Variants in EPHA4 observed in about 807,000 individuals in gnomAD.
The protein encoded by EPHA4 is ephrin type-A receptor 4.
Under a neutral mutation model 108.3 loss-of-function variants are expected in EPHA4, and 19 were observed. That is an observed-to-expected ratio of 0.18 (90% CI 0.12 to 0.26). The LOEUF (loss-of-function observed/expected upper bound fraction) is 0.26, where lower values mean the gene tolerates loss of function less well. Among genes scored for constraint, EPHA4 ranks in the 10% least tolerant of loss-of-function variants. EPHA4 has a pLI of 1.00. For missense variants in EPHA4, 917 were observed against 1,254.0 expected (o/e 0.73, Z 4.06); for synonymous variants, 449 against 455.5 (o/e 0.99, Z 0.18).
In EPHA4 at chr2:221,436,646, T is replaced by C. The variant is rs1314627603; in HGVS notation, c.2137-38A>G. 3.2e-6 allele frequency: 5 copies of C among 1,576,936 alleles called. No individual in the cohort carries two copies. In the African/African-American group the frequency reaches 5.4e-5, roughly 17 times the overall value. On this transcript the variant is annotated intron_variant, in intron 12 of 17. Transcript: ENST00000281821. Reference sequence around the variant, plus strand: ...GGAGTGAGGAACAATCTCATTAGCATTAGGCCAAGTTAATTCTCACCAAGC... The same window carrying C: ...GGAGTGAGGAACAATCTCATTAGCACTAGGCCAAGTTAATTCTCACCAAGC...
chr2:221,463,240 T>C (rs1691206125), intron 5 of EPHA4, among the ~76,000 whole-genome samples: 2 of 152,070 alleles, frequency 1.3e-5, no homozygotes, highest in Admixed American at 6.6e-5. Flanking sequence ...TAAAAAACGA[T>C]GAAGCAAAAA....
intron 3 of EPHA4, among the ~76,000 whole-genome samples, chr2:221,520,029 T>C (rs1047311899): frequency 2.0e-5 from 3 of 152,120 alleles, no homozygotes; most frequent in Non-Finnish European, 4.4e-5. Flanking sequence ...ATTATCAAAA[T>C]TTAAAATTAA....
intron 13 of EPHA4, among the ~76,000 whole-genome samples, 162 bp downstream of exon 13, chr2:221,436,237 T>A (rs1326657734): frequency 6.6e-6 from 1 of 152,228 alleles, no homozygotes; most frequent in East Asian, 1.9e-4. Flanking sequence ...ATCCCTCTTT[T>A]ATTGGAAACA....
At chr2:221,426,326 TA>T (rs1574552303) in intron 16 of EPHA4, 137 bp downstream of exon 16, 5 of 1,146,576 alleles carry the variant, frequency 4.4e-6, no homozygotes, top group Non-Finnish European at 6.1e-6. Context: ...AGAGGCTGTG[TA>T]AAATTATACT....
intron 5 of EPHA4, among the ~76,000 whole-genome samples, chr2:221,476,868 C>T (rs1291195447): frequency 6.6e-6 from 1 of 152,014 alleles, no homozygotes; most frequent in Admixed American, 6.5e-5. Flanking sequence ...GCCTCTTACA[C>T]TTAGTTATTT....
At chr2:221,550,673 T>C (rs922034472) in intron 3 of EPHA4, among the ~76,000 whole-genome samples, 5 of 152,184 alleles carry the variant, frequency 3.3e-5, no homozygotes, top group Admixed American at 6.5e-5. Context: ...CATAGTCACA[T>C]AGTGAGTGGC....
rs1348295085 is a variant in EPHA4, at chr2:221,446,190, A to AT, written c.1716-10dup. On this transcript the variant is annotated splice_polypyrimidine_tract_variant and intron_variant, in intron 8 of 17. Coordinates refer to ENST00000281821, the MANE Select transcript of EPHA4 (RefSeq NM_004438.5). Reference sequence around the variant, plus strand: ...TACTGTATTTACTCCGTCTATTAAAATTTTTTTAAAAAAGAGAATTATTTT... The same window carrying AT: ...TACTGTATTTACTCCGTCTATTAAAATTTTTTTTAAAAAAGAGAATTATTTT... The AT allele has an allele frequency of 2.0e-6, 3 of 1,489,600 alleles. No homozygotes were observed. Among genetic ancestry groups the AT allele is most frequent in the East Asian group, 2.6e-5 (1 of 39,098 alleles). 92.3% of individuals were successfully genotyped at this position (1,489,600 alleles called of 1,614,324 possible).
chr2:221,441,968 C>A (rs1015084193), intron 11 of EPHA4, among the ~76,000 whole-genome samples: 2 of 152,234 alleles, frequency 1.3e-5, no homozygotes, highest in African/African-American at 2.4e-5. Flanking sequence ...ACTGCTCCCC[C>A]ACACTGGGGT....
chr2:221,541,894 T>C (rs1465034802), intron 3 of EPHA4, among the ~76,000 whole-genome samples: 1 of 152,236 alleles, frequency 6.6e-6, no homozygotes, highest in Non-Finnish European at 1.5e-5. Flanking sequence ...GCAGCATTTC[T>C]TTCTCTGCAT....
chr2:221,447,047 AC>A (rs1690614971), intron 8 of EPHA4, among the ~76,000 whole-genome samples: 1 of 152,190 alleles, frequency 6.6e-6, no homozygotes. Flanking sequence ...TGGAAAATCA[AC>A]TCAAGCCTTG....
intron 3 of EPHA4, among the ~76,000 whole-genome samples, chr2:221,547,673 T>A (rs1479531919): frequency 6.6e-6 from 1 of 152,196 alleles, no homozygotes; most frequent in Non-Finnish European, 1.5e-5. Context: ...CAGGCATTTT[T>A]AAATACTCTT....
At chr2:221,556,670 C>T (rs1035997677) in intron 3 of EPHA4, among the ~76,000 whole-genome samples, 1 of 151,846 alleles carries the variant, frequency 6.6e-6, no homozygotes, top group African/African-American at 2.4e-5. Context: ...TTACAGTAGT[C>T]TCCTCATATC....
At chr2:221,566,890 G>A (rs374527703) in intron 2 of EPHA4, among the ~76,000 whole-genome samples, 3,707 of 31,886 alleles carry the variant, frequency 0.12, 309 homozygotes, top group African/African-American at 0.17. Context: ...GAAGGAGAAG[G>A]AGAAGGAGAA....
chr2:221,503,015 AT>A (rs1692525400), intron 3 of EPHA4, among the ~76,000 whole-genome samples: 1 of 152,170 alleles, frequency 6.6e-6, no homozygotes, highest in South Asian at 2.1e-4. Context: ...TAGGGTTTTG[AT>A]TAAAATCAGA....
chr2:221,565,567 G>C (rs1694606590), intron 2 of EPHA4, among the ~76,000 whole-genome samples: 1 of 152,144 alleles, frequency 6.6e-6, no homozygotes, highest in Admixed American at 6.5e-5. Flanking sequence ...GAAGTGCATA[G>C]AATCATAATG....
intron 14 of EPHA4, among the ~76,000 whole-genome samples, chr2:221,431,038 A>C (rs1368789833): frequency 6.6e-6 from 1 of 152,162 alleles, no homozygotes; most frequent in Non-Finnish European, 1.5e-5. Flanking sequence ...ATTTTCTTAT[A>C]GCCTTTTCTC....
chr2:221,428,454 T>TACC (rs1689976200), intron 15 of EPHA4, among the ~76,000 whole-genome samples: 1 of 152,220 alleles, frequency 6.6e-6, no homozygotes, highest in African/African-American at 2.4e-5. Flanking sequence ...GTGTATCTAA[T>TACC]ACCTCAACTT....
intron 8 of EPHA4, 29 bp downstream of exon 8, chr2:221,455,518 G>T: frequency 2.0e-6 from 3 of 1,510,856 alleles, no homozygotes; most frequent in East Asian, 2.3e-5. Flanking sequence ...AAGGTCGGGG[G>T]CTGCACAGTG....
At chr2:221,494,785 A>G (rs1184620745) in intron 4 of EPHA4, among the ~76,000 whole-genome samples, 2 of 152,186 alleles carry the variant, frequency 1.3e-5, no homozygotes, top group African/African-American at 4.8e-5. Context: ...GCTGATAACC[A>G]GACTGCATTC....
Sources: gnomAD v4.1 joint callset for allele counts (sites outside exome capture counted in the v4.1 genomes callset) on GRCh38, gnomAD v4.1.1 for gene constraint, MANE v1.5 for transcripts, NCBI Gene and HGNC (gene_info 2026-07-23, HGNC 2026-07-21) for gene names.